Variants in DPYD observed in about 807,000 individuals in gnomAD.
DPYD encodes the protein dihydropyrimidine dehydrogenase.
DPYD carries 109 observed loss-of-function variants against 116.2 expected under a neutral mutation model. The observed-to-expected ratio is 0.94, with a 90% confidence interval of 0.80 to 1.10. DPYD has a LOEUF of 1.10. DPYD is among the 50% of genes least tolerant of loss of function. DPYD has a pLI of 0.00. For synonymous variants in DPYD, 440 were observed against 432.0 expected, an observed-to-expected ratio of 1.02 and a Z score of -0.23; for missense variants, 1,302 against 1,254.5, an observed-to-expected ratio of 1.04 and a Z score of -0.57.
At chr1:97,690,527 T>C (rs997464634) in intron 7 of DPYD, among the ~76,000 whole-genome samples, 2 of 152,028 alleles carry the variant, frequency 1.3e-5, no homozygotes, top group Non-Finnish European at 2.9e-5. Flanking sequence ...AGGATATTCA[T>C]CACCTCAAAC....
intron 3 of DPYD, among the ~76,000 whole-genome samples, chr1:97,784,577 G>T (rs1666921305): frequency 6.6e-6 from 1 of 152,132 alleles, no homozygotes; most frequent in African/African-American, 2.4e-5. Context: ...ACTTTACCAA[G>T]AAAAGAAATC....
chr1:97,547,513 T>A (rs1650991248), intron 12 of DPYD, among the ~76,000 whole-genome samples: 1 of 151,800 alleles, frequency 6.6e-6, no homozygotes, highest in African/African-American at 2.4e-5. Flanking sequence ...TGTGTTCTTT[T>A]TCTTTCTTTC....
chr1:97,725,679 A>C (rs1663215056), intron 4 of DPYD, among the ~76,000 whole-genome samples: 2 of 151,504 alleles, frequency 1.3e-5, no homozygotes, highest in African/African-American at 4.8e-5. Context: ...AAAGGTTTCT[A>C]AGGCAATTCA....
chr1:97,919,433 G>C (rs1674386343), intron 1 of DPYD, among the ~76,000 whole-genome samples: 1 of 152,092 alleles, frequency 6.6e-6, no homozygotes, highest in South Asian at 2.1e-4. Context: ...AACTGATTTC[G>C]AAGACAACTG....
intron 12 of DPYD, among the ~76,000 whole-genome samples, chr1:97,519,772 C>T (rs1189687798): frequency 1.3e-5 from 2 of 151,926 alleles, no homozygotes; most frequent in South Asian, 4.2e-4. Flanking sequence ...CTTAAGCCAC[C>T]CCTCAGAAAT....
At chr1:97,901,629 T>C (rs1301539553) in intron 1 of DPYD, among the ~76,000 whole-genome samples, 1 of 151,808 alleles carries the variant, frequency 6.6e-6, no homozygotes, top group Non-Finnish European at 1.5e-5. Context: ...AAAGTTGGGA[T>C]AGAAAACTGG....
intron 20 of DPYD, among the ~76,000 whole-genome samples, chr1:97,158,116 A>C (rs142295608): frequency 2.1e-3 from 312 of 152,132 alleles, no homozygotes; most frequent in Non-Finnish European, 3.2e-3. Flanking sequence ...TATACCCTTC[A>C]CTGCATTTGA....
At chr1:97,612,981 T>C (rs1427396371) in intron 8 of DPYD, among the ~76,000 whole-genome samples, 1 of 152,068 alleles carries the variant, frequency 6.6e-6, no homozygotes, top group African/African-American at 2.4e-5. Flanking sequence ...TTGAATAATC[T>C]AGAATGAATG....
chr1:97,592,190 A>G (rs940660444), intron 10 of DPYD, among the ~76,000 whole-genome samples: 1 of 152,218 alleles, frequency 6.6e-6, no homozygotes, highest in Admixed American at 6.5e-5. Flanking sequence ...TAAATGAGTA[A>G]TTTATCTTTC....
intron 16 of DPYD, among the ~76,000 whole-genome samples, chr1:97,352,209 C>T (rs1267167540): frequency 1.3e-5 from 2 of 152,122 alleles, no homozygotes; most frequent in African/African-American, 2.4e-5. Context: ...ACAACAAGTG[C>T]CAATGTGGCG....
intron 12 of DPYD, among the ~76,000 whole-genome samples, chr1:97,529,718 T>C (rs994017171): frequency 2.0e-5 from 3 of 149,234 alleles, no homozygotes; most frequent in African/African-American, 7.3e-5. Context: ...CTTTCTTCCT[T>C]TCTTTTCTTT....
At chr1:97,546,165 C>A in intron 12 of DPYD, 1 of 1,435,616 alleles carries the variant, frequency 7.0e-7, no homozygotes. Flanking sequence ...AGAGGAACAG[C>A]CAGCAGAAGA....
At chr1:97,346,356 T>G (rs989997059) in intron 16 of DPYD, among the ~76,000 whole-genome samples, 2 of 151,850 alleles carry the variant, frequency 1.3e-5, no homozygotes, top group Admixed American at 6.6e-5. Context: ...TTTTTTAGTT[T>G]TTATATTGAG....
chr1:97,161,218 T>C (rs1655871375), intron 20 of DPYD, among the ~76,000 whole-genome samples: 1 of 152,150 alleles, frequency 6.6e-6, no homozygotes, highest in South Asian at 2.1e-4. Flanking sequence ...AAATAAAGTG[T>C]CTTACACAGT....
intron 20 of DPYD, among the ~76,000 whole-genome samples, chr1:97,114,340 G>T (rs772515862): frequency 6.6e-6 from 1 of 152,060 alleles, no homozygotes; most frequent in Non-Finnish European, 1.5e-5. Flanking sequence ...TGGTGCTAAA[G>T]AATTTTTTAG....
At chr1:97,710,913 A>C (rs911824151) in intron 5 of DPYD, among the ~76,000 whole-genome samples, 1 of 151,808 alleles carries the variant, frequency 6.6e-6, no homozygotes, top group Non-Finnish European at 1.5e-5. Context: ...CAAACCTTAA[A>C]AACAACAATA....
chr1:97,228,282 G>T (rs545572047), intron 19 of DPYD, among the ~76,000 whole-genome samples: 2 of 151,912 alleles, frequency 1.3e-5, no homozygotes, highest in Admixed American at 6.5e-5. Flanking sequence ...AATAAAGAAG[G>T]TATGCGCTAT....
intron 14 of DPYD, among the ~76,000 whole-genome samples, chr1:97,447,336 C>T (rs1557717977): frequency 1.3e-5 from 2 of 152,172 alleles, no homozygotes; most frequent in Non-Finnish European, 1.5e-5. Flanking sequence ...TGAAGGGTCA[C>T]CTTCTTTCAT....
At chr1:97,806,878 C>CT (rs1277020332) in intron 3 of DPYD, among the ~76,000 whole-genome samples, 2 of 151,950 alleles carry the variant, frequency 1.3e-5, no homozygotes, top group African/African-American at 4.8e-5. Context: ...TTAGTTTTGC[C>CT]TTTTCCAGGA....
Sources: gnomAD v4.1 joint callset for allele counts (sites outside exome capture counted in the v4.1 genomes callset) on GRCh38, gnomAD v4.1.1 for gene constraint, MANE v1.5 for transcripts, NCBI Gene and HGNC (gene_info 2026-07-23, HGNC 2026-07-21) for gene names.